The following TYW1 variants were observed in gnomAD, a reference collection of about 807,000 sequenced individuals.
The protein encoded by TYW1 is S-adenosyl-L-methionine-dependent tRNA 4-demethylwyosine synthase TYW1.
Under a neutral mutation model 96.2 loss-of-function variants are expected in TYW1, and 46 were observed. The ratio of observed to expected loss-of-function variants is 0.48; its 90% CI spans 0.38 to 0.61. The LOEUF is 0.61. TYW1 is among the 20% of genes least tolerant of loss of function. TYW1 has a pLI of 0.00. For synonymous variants in TYW1, 274 were observed against 323.0 expected (o/e 0.85, Z 1.63); for missense variants, 684 against 909.6 (o/e 0.75, Z 3.19).
At chr7:67,181,350 T>TATAA (rs1488167747) in intron 13 of TYW1, among the ~76,000 whole-genome samples, 2 of 133,968 alleles carry the variant, frequency 1.5e-5, no homozygotes, top group African/African-American at 6.1e-5. Context: ...TTGGAAGAAT[T>TATAA]ATATGTAAAG....
chr7:67,035,977 G>T (rs7781513), intron 7 of TYW1, among the ~76,000 whole-genome samples: 28,685 of 143,760 alleles, frequency 0.2, 4,485 homozygotes, highest in Admixed American at 0.28. Context: ...GTGCCCGGCC[G>T]GTTCTATTGT....
At chr7:67,190,910 T>G (rs751759438) in intron 14 of TYW1, among the ~76,000 whole-genome samples, 22 of 152,190 alleles carry the variant, frequency 1.4e-4, no homozygotes, top group Admixed American at 7.9e-4. Flanking sequence ...ATACTGCTCT[T>G]CCCACAGACC....
chr7:67,235,884 ACT>A (rs1376189036), intron 15 of TYW1, among the ~76,000 whole-genome samples: 3 of 127,912 alleles, frequency 2.3e-5, no homozygotes, highest in Admixed American at 8.8e-5. Flanking sequence ...ACAGAGCGAG[ACT>A]CTGTCTCAAA....
intron 15 of TYW1, among the ~76,000 whole-genome samples, chr7:67,203,575 C>T (rs187344061): frequency 2.0e-5 from 3 of 152,322 alleles, no homozygotes; most frequent in African/African-American, 7.2e-5. Flanking sequence ...TTTTCCCTCC[C>T]TTACTTAGAA....
chr7:67,213,582 T>C (rs1307698673), intron 15 of TYW1, among the ~76,000 whole-genome samples: 2 of 152,230 alleles, frequency 1.3e-5, no homozygotes, highest in Admixed American at 1.3e-4. Flanking sequence ...CTACTTTTGA[T>C]GGTGTATCTA....
intron 13 of TYW1, among the ~76,000 whole-genome samples, chr7:67,149,373 T>C (rs1279316493): frequency 6.6e-6 from 1 of 152,200 alleles, no homozygotes; most frequent in Admixed American, 6.5e-5. Context: ...TTCTATTTGA[T>C]TTATGGCAGT....
intron 4 of TYW1, among the ~76,000 whole-genome samples, chr7:67,012,712 T>G (rs371091400): frequency 6.6e-6 from 1 of 152,158 alleles, no homozygotes; most frequent in Admixed American, 6.6e-5. Flanking sequence ...ATTTCGCACC[T>G]GACCTCCTGT....
At chr7:67,091,510 A>C (rs1373132889) in intron 11 of TYW1, among the ~76,000 whole-genome samples, 1 of 152,190 alleles carries the variant, frequency 6.6e-6, no homozygotes, top group Non-Finnish European at 1.5e-5. Context: ...ACATGTTTAC[A>C]TATGTAACAA....
intron 13 of TYW1, among the ~76,000 whole-genome samples, chr7:67,117,890 A>C (rs988443277): frequency 6.6e-6 from 1 of 152,120 alleles, no homozygotes; most frequent in African/African-American, 2.4e-5. Flanking sequence ...ATTTAAGGAG[A>C]GAGGTATATA....
At chr7:67,210,182 G>C (rs2116389807) in intron 15 of TYW1, among the ~76,000 whole-genome samples, 1 of 152,172 alleles carries the variant, frequency 6.6e-6, no homozygotes, top group South Asian at 2.1e-4. Context: ...CCTTATTTTT[G>C]ATGACCTTGA....
Position 67,010,993 on chromosome 7 carries a change from C to T in TYW1, c.375+1309C>T, listed in dbSNP as rs147358343. 4.7e-3 allele frequency among the ~76,000 whole-genome samples: 717 copies of T among 152,170 alleles called. 5 individuals carry two copies. Among genetic ancestry groups the T allele is most frequent in the African/African-American group, 0.016 (661 of 41,510 alleles). On this transcript the variant is annotated intron_variant, in intron 4 of 15. Transcript: ENST00000359626. ...GGTCAAAAGCAGAGAGTATGGGTTT[C>T]GGAATCAGAGAAATCTCTTATTAGC...
intron 6 of TYW1, among the ~76,000 whole-genome samples, chr7:67,024,209 T>A (rs1794372200): frequency 6.6e-6 from 1 of 152,176 alleles, no homozygotes. Flanking sequence ...TTGTTGTTTT[T>A]GTAGAGATGA....
At chr7:67,015,948 G>T (rs1384372351) in intron 5 of TYW1, among the ~76,000 whole-genome samples, 1 of 148,630 alleles carries the variant, frequency 6.7e-6, no homozygotes, top group Non-Finnish European at 1.5e-5. Flanking sequence ...GGGCAACAGA[G>T]TGAGACTATG....
intron 15 of TYW1, among the ~76,000 whole-genome samples, chr7:67,211,211 G>T (rs574220916): frequency 7.5e-6 from 1 of 133,840 alleles, no homozygotes; most frequent in South Asian, 2.6e-4. Context: ...TTTCTTTCTG[G>T]CACTACAAGA....
chr7:67,180,980 A>G (rs949055107), intron 13 of TYW1, among the ~76,000 whole-genome samples: 2 of 151,046 alleles, frequency 1.3e-5, no homozygotes, highest in Non-Finnish European at 2.9e-5. Flanking sequence ...AGTGTTGACT[A>G]TTGACTGGAG....
chr7:67,081,353 G>C lies in TYW1; in HGVS notation c.1275-2077G>C, dbSNP rs1208454085. Among the ~76,000 whole-genome samples the C allele has an allele frequency of 4.7e-5, 7 of 148,582 alleles. No homozygotes were observed. The South Asian group carries it at 6.4e-4, about 14-fold the overall frequency. ...ACATGTGACGTGATGCTTTTCAATT[G>C]CTGTTTTTAGAATTCTCTTTGTCAT... On this transcript the variant is annotated intron_variant, in intron 10 of 15. Coordinates refer to ENST00000359626, the MANE Select transcript of TYW1 (RefSeq NM_018264.4).
intron 15 of TYW1, among the ~76,000 whole-genome samples, chr7:67,207,717 C>CTTTTT (rs749961615): frequency 2.9e-5 from 3 of 103,462 alleles, no homozygotes; most frequent in Non-Finnish European, 5.7e-5. Flanking sequence ...TTTTGTTTGC[C>CTTTTT]TTTTTTTTTT....
At chr7:67,056,885 A>C (rs1018079764) in intron 9 of TYW1, among the ~76,000 whole-genome samples, 1 of 152,182 alleles carries the variant, frequency 6.6e-6, no homozygotes, top group Non-Finnish European at 1.5e-5. Context: ...GTACTACTTT[A>C]TACTTGCTCA....
chr7:67,232,330 G>A (rs1035983634), intron 15 of TYW1, among the ~76,000 whole-genome samples: 3 of 147,864 alleles, frequency 2.0e-5, no homozygotes, highest in African/African-American at 7.5e-5. Context: ...TTTGAGAATG[G>A]GAGACTAAAG....
Sources: allele counts gnomAD v4.1 joint callset (sites outside exome capture counted in the v4.1 genomes callset), GRCh38; gene constraint gnomAD v4.1.1; transcripts MANE v1.5; gene names NCBI Gene and HGNC (gene_info 2026-07-23, HGNC 2026-07-21).